The following MGAM variants were observed in gnomAD, a reference collection of about 807,000 sequenced individuals.
MGAM encodes alpha-1,4-glucosidase.
A neutral mutation model predicts 358.8 loss-of-function variants in MGAM; 253 were observed. That is an observed-to-expected ratio of 0.71 (90% confidence interval 0.64 to 0.78). MGAM has a LOEUF of 0.78. MGAM is among the 30% of genes least tolerant of loss of function. The pLI is 0.00. For synonymous variants in MGAM, 1,105 were observed against 1,227.1 expected, an observed-to-expected ratio of 0.90 and a Z score of 2.08; for missense variants, 3,080 against 3,432.6, an observed-to-expected ratio of 0.90 and a Z score of 2.57.
At chr7:142,096,051 A>G in intron 64 of MGAM, 2 of 594,758 alleles carry the variant, frequency 3.4e-6, no homozygotes, top group Non-Finnish European at 3.0e-6. Flanking sequence ...TTTGAGGGAA[A>G]AGGGCCATCC....
At chr7:141,997,538 A>G (rs1804351253) in intron 1 of MGAM, among the ~76,000 whole-genome samples, 1 of 152,236 alleles carries the variant, frequency 6.6e-6, no homozygotes, top group Non-Finnish European at 1.5e-5. Flanking sequence ...GGAACTAGAA[A>G]AGAAATTTTC....
At chr7:142,056,979 C>G (rs761156910) in intron 30 of MGAM, 37 bp downstream of exon 30, 4 of 1,595,062 alleles carry the variant, frequency 2.5e-6, no homozygotes, top group Admixed American at 1.7e-5. Flanking sequence ...AGTACTTACA[C>G]AGCACATTCT....
chr7:142,049,108 G>A (rs888651067), intron 22 of MGAM, among the ~76,000 whole-genome samples: 15 of 152,150 alleles, frequency 9.9e-5, no homozygotes, highest in African/African-American at 3.6e-4. Context: ...AGACCATGCA[G>A]TACTTGACTT....
Position 142,030,725 on chromosome 7 carries a change from A to G in MGAM, c.1438A>G (p.Ser480Gly). ...RGSDMKIWVN[S>G]SDGVTPLIGE... ...TTCAGATATGAAGATATGGGTGAAT[A>G]GTTCAGATGGAGTGACTCCACTCAT... Residue 480 changes from serine (S) to glycine (G), a missense_variant, in exon 12 of 71, where the codon AGT becomes GGT. Physicochemically the swap from Ser to Gly is moderately conservative, Grantham distance 56. Transcript: ENST00000475668. 1 of 1,611,750 alleles carries G rather than the reference A, an allele frequency of 6.2e-7. No individual in the cohort carries two copies. The highest frequency in any genetic ancestry group is 8.5e-7 in the Non-Finnish European group (1 of 1,178,024).
chr7:142,088,891 C>A (rs1355774511), intron 57 of MGAM, among the ~76,000 whole-genome samples: 3 of 141,560 alleles, frequency 2.1e-5, no homozygotes, highest in Non-Finnish European at 3.2e-5. Context: ...CACCTCTATT[C>A]ATCCACTCAC....
chr7:142,021,044 C>T lies in MGAM; in HGVS notation c.519C>T (p.Leu173=). ...GAAGCAATGTTGACAATGTTCTTCT[C>T]ACAGCAGAATATCAGACATCTAATC... ...VFGSNVDNVL[L]TAEYQTSNRF... The change falls in exon 5 of 71, where the codon CTC becomes CTT. Residue 173 remains leucine (L), a synonymous_variant. Coordinates refer to ENST00000475668, the MANE Select transcript of MGAM (RefSeq NM_001365693.1). The T allele has an allele frequency of 6.2e-7, 1 of 1,613,100 alleles. No homozygotes were observed.
At chr7:142,047,738 A>T in intron 21 of MGAM, 47 bp from the exon 22 acceptor site, 1 of 1,555,446 alleles carries the variant, frequency 6.4e-7, no homozygotes, top group Non-Finnish European at 8.9e-7. Context: ...TCGGCTGGCA[A>T]AATTCTCTGA....
At position 142,050,293 on chromosome 7, in the gene MGAM, C is replaced by G. The variant is rs1450730737; in HGVS notation, c.2637+9C>G. On this transcript the variant is annotated intron_variant, in intron 23 of 70. Transcript: ENST00000475668. ...AGTTTTCTGTCACTCAAGTGAGTAG[C>G]ATATTTTTATGAATCTTAGGTGTGG... is the stretch of plus-strand genomic sequence containing the variant. The G allele has an allele frequency of 1.4e-5, 22 of 1,612,218 alleles. No homozygotes were observed. Among genetic ancestry groups the G allele is most frequent in the Non-Finnish European group, 1.8e-5 (21 of 1,178,520 alleles).
chr7:142,089,358 AT>A (rs1563215338), intron 57 of MGAM, among the ~76,000 whole-genome samples: 1 of 146,708 alleles, frequency 6.8e-6, no homozygotes, highest in African/African-American at 2.4e-5. Context: ...TCCACAAAAT[AT>A]CTCTCACCTC....
chr7:142,050,811 A>G lies in MGAM; in HGVS notation c.2752A>G (p.Asn918Asp). 6.2e-7 allele frequency: 1 copy of G among 1,613,830 alleles called. No homozygotes were observed. The highest frequency in any genetic ancestry group is 1.1e-5 in the South Asian group (1 of 91,072). Residue 918 changes from asparagine to aspartate, a missense_variant, in exon 24 of 71, where the codon AAT (asparagine) becomes GAT (aspartate). Coordinates refer to ENST00000475668, the MANE Select transcript of MGAM (RefSeq NM_001365693.1). ...ACCTAGCAATGTTACAGTGAAACAC[A>G]ATGGTGTCCCAAGTCAGACTTCTCC... The part of the protein sequence containing the change: ...EEPSNVTVKH[N>D]GVPSQTSPTV...
intron 21 of MGAM, among the ~76,000 whole-genome samples, chr7:142,045,788 C>T (rs111204028): frequency 0.24 from 6,474 of 26,576 alleles, 2,207 homozygotes; most frequent in African/African-American, 0.59. Flanking sequence ...ATATAATATA[C>T]ATATCGTATA....
intron 44 of MGAM, among the ~76,000 whole-genome samples, chr7:142,072,222 A>T (rs62477630): frequency 1.4e-5 from 2 of 144,490 alleles, no homozygotes; most frequent in Non-Finnish European, 3.1e-5. Context: ...TACCTTAACA[A>T]CTCTTATCTC....
chr7:142,048,897 A>G (rs1403781849), intron 22 of MGAM, among the ~76,000 whole-genome samples: 1 of 152,198 alleles, frequency 6.6e-6, no homozygotes, highest in Non-Finnish European at 1.5e-5. Flanking sequence ...GCATAGTATA[A>G]TGATTACCAC....
rs553543042 is a variant in MGAM at position 142,072,462 on chromosome 7, A to G, written c.5186+1344A>G. On this transcript the variant is annotated intron_variant, in intron 44 of 70. Coordinates refer to ENST00000475668, the MANE Select transcript of MGAM (RefSeq NM_001365693.1). ...CACTTCCAAGTTTCTGGTCATTTGT[A>G]ATATATATTTATTTGCTCCTTAGAT... Among the ~76,000 whole-genome samples, 71 of 146,454 alleles carry G rather than the reference A, an allele frequency of 4.8e-4. 3 individuals are homozygous for G. Among genetic ancestry groups the G allele is most frequent in the African/African-American group, 1.7e-3 (70 of 41,216 alleles).
At position 142,055,973 on chromosome 7, in the gene MGAM, C is replaced by G. The variant is rs1215106306; in HGVS notation, c.3484-27C>G. The G allele has an allele frequency of 1.9e-6, 3 of 1,587,994 alleles. No homozygotes were observed. The African/African-American group carries it at 4.0e-5, about 21-fold the overall frequency. ...CTCAGGCATAATGTCTTTTAAACTC[C>G]TACTGCTTCTTCCCATGACTCCCCA... On this transcript the variant is annotated intron_variant, in intron 28 of 70. Transcript: ENST00000475668.
At chr7:142,053,745 G>A (rs1811238582) in intron 26 of MGAM, among the ~76,000 whole-genome samples, 1 of 152,174 alleles carries the variant, frequency 6.6e-6, no homozygotes, top group African/African-American at 2.4e-5. Flanking sequence ...TCAGGACATT[G>A]TCACATTGCC....
At chr7:142,068,385 A>G (rs147576737) in intron 42 of MGAM, among the ~76,000 whole-genome samples, 1 of 144,952 alleles carries the variant, frequency 6.9e-6, no homozygotes, top group East Asian at 2.0e-4. Context: ...GGGTAAGTCT[A>G]TGTCTATAAG....
chr7:142,034,168 C>A, intron 14 of MGAM, 94 bp from the exon 15 acceptor site: 1 of 831,032 alleles, frequency 1.2e-6, no homozygotes. Flanking sequence ...CACAAAAGTG[C>A]CTGCCCAGGG....
chr7:142,000,927 A>T (rs1329820276), intron 1 of MGAM, among the ~76,000 whole-genome samples: 1 of 152,224 alleles, frequency 6.6e-6, no homozygotes, highest in African/African-American at 2.4e-5. Flanking sequence ...AAAAAATTAA[A>T]TATTTTTATA....
Sources: gnomAD v4.1 joint callset for allele counts (sites outside exome capture counted in the v4.1 genomes callset) on GRCh38, gnomAD v4.1.1 for gene constraint, MANE v1.5 for transcripts, NCBI Gene and HGNC (gene_info 2026-07-23, HGNC 2026-07-21) for gene names.